The following PCDHGB6 variants were observed in gnomAD, a reference collection of about 807,000 sequenced individuals.
PCDHGB6 encodes protocadherin gamma subfamily B, 6.
A neutral mutation model predicts 59.1 loss-of-function variants in PCDHGB6; 51 were observed. The ratio of observed to expected loss-of-function variants is 0.86; its 90% confidence interval spans 0.69 to 1.09. The LOEUF is 1.09. Ranked by LOEUF, PCDHGB6 falls within the 50% of genes least tolerant of loss-of-function variation. PCDHGB6 has a pLI of 0.00. For synonymous variants in PCDHGB6, 466 were observed against 495.1 expected, an observed-to-expected ratio of 0.94 and a Z score of 0.78; for missense variants, 1,148 against 1,205.1, an observed-to-expected ratio of 0.95 and a Z score of 0.70.
intron 2 of PCDHGB6, 160 bp from the exon 3 acceptor site, chr5:141,505,233 C>T: frequency 1.1e-6 from 1 of 872,838 alleles, no homozygotes; most frequent in Non-Finnish European, 1.4e-6. Context: ...ATTCTGGCTT[C>T]TGAAGGATTG....
At chr5:141,469,511 G>T (rs2099203340) in intron 1 of PCDHGB6, among the ~76,000 whole-genome samples, 2 of 152,038 alleles carry the variant, frequency 1.3e-5, no homozygotes, top group South Asian at 2.1e-4. Flanking sequence ...GGAGGTGGAG[G>T]TTGCAGTGAG....
intron 1 of PCDHGB6, among the ~76,000 whole-genome samples, chr5:141,460,365 A>G (rs887924740): frequency 6.6e-6 from 1 of 152,180 alleles, no homozygotes; most frequent in African/African-American, 2.4e-5. Context: ...TAGAAGTTTT[A>G]TAGTTTTACC....
At chr5:141,478,723 A>C in intron 1 of PCDHGB6, 16 of 1,543,220 alleles carry the variant, frequency 1.0e-5, no homozygotes, top group Non-Finnish European at 1.3e-5. Flanking sequence ...GTGGCCTGCC[A>C]GAGTGTGGTT....
rs1175297210 is a variant in PCDHGB6 at position 141,409,879 on chromosome 5, A to G, written c.1677A>G (p.Ala559=). ...RVLVGDRNDN[A]PRVLYPALGP... ...TGGTGGGAGACCGCAATGACAACGC[A>G]CCGCGGGTGCTGTACCCAGCTCTGG... is the stretch of plus-strand genomic sequence containing the variant. Residue 559 remains alanine, a synonymous_variant, in exon 1 of 4, where the codon GCA becomes GCG. Transcript: ENST00000520790. The G allele has an allele frequency of 1.9e-6, 3 of 1,612,734 alleles. No individual in the cohort carries two copies. Among genetic ancestry groups the G allele is most frequent in the African/African-American group, 2.7e-5 (2 of 74,886 alleles).
intron 1 of PCDHGB6, chr5:141,422,968 C>A (rs766010601): frequency 6.2e-7 from 1 of 1,614,240 alleles, no homozygotes; most frequent in Non-Finnish European, 8.5e-7. Context: ...GCTGGCGCCC[C>A]GCTCTGCGGA....
In PCDHGB6 at chr5:141,477,013, T is replaced by A. The variant is rs1285961519; in HGVS notation, c.2419-17794T>A. On this transcript the variant is annotated intron_variant, in intron 1 of 3. Coordinates refer to ENST00000520790, the MANE Select transcript of PCDHGB6 (RefSeq NM_018926.3). This position sits in a 1 kb window ranked among gnomAD's most constrained non-coding sequence, Gnocchi z 4.9. ...TGCGGCAACTATTCGCCTTAGACCT[T>A]GTAACCGGGATGCTGACAATCAAGG... is the stretch of plus-strand genomic sequence containing the variant. 6.2e-7 allele frequency: 1 copy of A among 1,614,204 alleles called. No individual in the cohort carries two copies. The highest frequency in any genetic ancestry group is 2.2e-5 in the East Asian group (1 of 44,878).
In PCDHGB6 at chr5:141,476,229, C is replaced by T; in HGVS notation, c.2419-18578C>T. ...TCCACGGTCATTCACTATGAGATCC[C>T]GGAGGAAAGAGAGAAGGGTTTCGCT... On this transcript the variant is annotated intron_variant, in intron 1 of 3. Coordinates refer to ENST00000520790, the MANE Select transcript of PCDHGB6 (RefSeq NM_018926.3). The surrounding 1 kb of genome is among the most constrained non-coding windows in gnomAD (Gnocchi z 7.6). 1 of 1,613,872 alleles carries T rather than the reference C, an allele frequency of 6.2e-7. No individual in the cohort carries two copies. The highest frequency in any genetic ancestry group is 2.2e-5 in the East Asian group (1 of 44,822).
In PCDHGB6 at chr5:141,486,247, C is replaced by T. The variant is rs935513223; in HGVS notation, c.2419-8560C>T. The T allele has an allele frequency of 2.5e-6, 4 of 1,614,014 alleles. No homozygotes were observed. The African/African-American group carries it at 5.3e-5, about 22-fold the overall frequency. On this transcript the variant is annotated intron_variant, in intron 1 of 3. Transcript: ENST00000520790. This position sits in a 1 kb window ranked among gnomAD's most constrained non-coding sequence, Gnocchi z 5.0. Reference sequence around the variant, plus strand: ...TCACAGTGACCTCAGAGCTTGGAACCCTCCCCGAGAGTGCAGAACCTGGCA... The same window carrying T: ...TCACAGTGACCTCAGAGCTTGGAACTCTCCCCGAGAGTGCAGAACCTGGCA...
chr5:141,426,794 G>C (rs1319220934), intron 1 of PCDHGB6: 1 of 456,708 alleles, frequency 2.2e-6, no homozygotes, highest in East Asian at 6.9e-5. Flanking sequence ...AGAGTTACCA[G>C]CTCAGTTCTA....
intron 3 of PCDHGB6, among the ~76,000 whole-genome samples, chr5:141,510,208 G>A (rs560746333): frequency 2.0e-5 from 3 of 151,866 alleles, no homozygotes; most frequent in Admixed American, 1.3e-4. Context: ...AGGAGGCAGA[G>A]GTTGCAGTGA....
chr5:141,428,167 G>GCGTGA (rs746443726), intron 1 of PCDHGB6: 3 of 1,548,998 alleles, frequency 1.9e-6, no homozygotes, highest in South Asian at 1.1e-5. Context: ...TGGTTGCTGT[G>GCGTGA]CGTGACGGAG....
intron 1 of PCDHGB6, chr5:141,417,974 G>A: frequency 6.2e-7 from 1 of 1,613,856 alleles, no homozygotes. Flanking sequence ...CTCGATTCCG[G>A]AGGAGCTGGC....
Position 141,511,176 on chromosome 5 carries a change from T to C in PCDHGB6, c.*3T>C, listed in dbSNP as rs375508988. On this transcript the variant is annotated 3_prime_UTR_variant, in exon 4 of 4. Transcript: ENST00000520790. ...CGGGCAAGAAGGAGAAGAAGTAACA[T>C]GGAGGCCAGGCCAAGAGCCACAGGG... 198 of 1,614,046 alleles carry C rather than the reference T, an allele frequency of 1.2e-4. 1 individual carries two copies. The highest frequency in any genetic ancestry group is 6.5e-5 in the Non-Finnish European group (77 of 1,179,964).
At position 141,433,401 on chromosome 5, in the gene PCDHGB6, A is replaced by C. The variant is rs181247960; in HGVS notation, c.2418+22781A>C. ...TATCTATCTATCTATCTATCTATCT[A>C]TCTATTACTTTCTTGTACAGACAGG... On this transcript the variant is annotated intron_variant, in intron 1 of 3. Transcript: ENST00000520790. Among the ~76,000 whole-genome samples, 679 of 150,596 alleles carry C rather than the reference A, an allele frequency of 4.5e-3. 8 individuals carry two copies. The highest frequency in any genetic ancestry group is 0.015 in the African/African-American group (630 of 40,956).
At position 141,409,788 on chromosome 5, in the gene PCDHGB6, C is replaced by T. The variant is rs1224847553; in HGVS notation, c.1586C>T (p.Ala529Val). ...GATCACGAGCAGCTGCGCGCCTTCG[C>T]GCTCACGCTGCAGGCCCGCGACCAC... is the stretch of plus-strand genomic sequence containing the variant. ...AFDHEQLRAF[A>V]LTLQARDHGS... Residue 529 changes from alanine to valine, a missense_variant, in exon 1 of 4, where the codon GCG becomes GTG. Ala to Val is a moderately conservative substitution (Grantham distance 64). Around this residue, in one of 5 missense-constraint regions of PCDHGB6, gnomAD observed 549 missense variants for 527.5 expected, o/e 1.04. Transcript: ENST00000520790. 5 of 1,612,138 alleles carry T rather than the reference C, an allele frequency of 3.1e-6. No individual in the cohort carries two copies. Among genetic ancestry groups the T allele is most frequent in the Admixed American group, 1.7e-5 (1 of 59,874 alleles).
At chr5:141,467,097 G>A (rs912875702) in intron 1 of PCDHGB6, among the ~76,000 whole-genome samples, 1 of 150,152 alleles carries the variant, frequency 6.7e-6, no homozygotes, top group Non-Finnish European at 1.5e-5. Context: ...CTGTCACACA[G>A]GCTGGAGTAC....
rs914956962 is a variant in PCDHGB6, at chr5:141,420,736, A to G, written c.2418+10116A>G. Among the ~76,000 whole-genome samples, 4 of 152,370 alleles carry G rather than the reference A, an allele frequency of 2.6e-5. No individual in the cohort carries two copies. In the East Asian group the frequency reaches 7.7e-4, roughly 29 times the overall value. On this transcript the variant is annotated intron_variant, in intron 1 of 3. Coordinates refer to ENST00000520790, the MANE Select transcript of PCDHGB6 (RefSeq NM_018926.3). ...TCGTTCCTTTCAGTCGGTTAAAATC[A>G]ATTGGAACCAACTACAACCTACAAG...
rs1329158220 is a variant in PCDHGB6, at chr5:141,413,339, A to G, written c.2418+2719A>G. On this transcript the variant is annotated intron_variant, in intron 1 of 3. Coordinates refer to ENST00000520790, the MANE Select transcript of PCDHGB6 (RefSeq NM_018926.3). Reference sequence around the variant, plus strand: ...TCTTTCGTGGGCAACATCTCCAAGGACTTGGGTCTGGCGCCCCGGGAGCTG... The same window carrying G: ...TCTTTCGTGGGCAACATCTCCAAGGGCTTGGGTCTGGCGCCCCGGGAGCTG... The G allele has an allele frequency of 1.3e-5, 21 of 1,613,832 alleles. No individual in the cohort carries two copies. Among genetic ancestry groups the G allele is most frequent in the African/African-American group, 2.7e-5 (2 of 74,940 alleles).
Position 141,428,338 on chromosome 5 carries a change from T to C in PCDHGB6, c.2418+17718T>C, listed in dbSNP as rs575215422. 427 of 592,394 alleles carry C rather than the reference T, an allele frequency of 7.2e-4. 1 individual carries two copies. The highest frequency in any genetic ancestry group is 1.3e-3 in the Non-Finnish European group (409 of 326,444). 36.7% of individuals were successfully genotyped at this position (592,394 alleles called of 1,614,324 possible). ...CTTGGCCTTGATTTCTATGCTCTTC[T>C]TCCTCGCAGTGATTTTGGCGGTCGC... On this transcript the variant is annotated intron_variant, in intron 1 of 3. Coordinates refer to ENST00000520790, the MANE Select transcript of PCDHGB6 (RefSeq NM_018926.3).
Sources: gnomAD v4.1 joint callset for allele counts (sites outside exome capture counted in the v4.1 genomes callset) on GRCh38, gnomAD v4.1.1 for gene constraint, gnomAD v4.1.1 regional missense constraint, Gnocchi (gnomAD v3.1) non-coding constraint, MANE v1.5 for transcripts, NCBI Gene and HGNC (gene_info 2026-07-23, HGNC 2026-07-21) for gene names.